PBRM1: variants seen among roughly 807,000 people sequenced by gnomAD.
The protein encoded by PBRM1 is protein polybromo-1.
Under a neutral mutation model 194.5 loss-of-function variants are expected in PBRM1, and 27 were observed. The ratio of observed to expected loss-of-function variants is 0.14; its 90% confidence interval spans 0.10 to 0.19. The LOEUF is 0.19. Among genes scored for constraint, PBRM1 ranks in the 10% least tolerant of loss-of-function variants. The pLI is 1.00. For synonymous variants in PBRM1, 655 were observed against 693.2 expected, an observed-to-expected ratio of 0.94 and a Z score of 0.87; for missense variants, 1,466 against 2,077.2, an observed-to-expected ratio of 0.71 and a Z score of 5.72.
At chr3:52,685,153 A>G (rs1404678665) in intron 1 of PBRM1, among the ~76,000 whole-genome samples, 1 of 152,150 alleles carries the variant, frequency 6.6e-6, no homozygotes, top group Non-Finnish European at 1.5e-5. Flanking sequence ...GGCTTTTTCT[A>G]TATTTTTGCA....
intron 11 of PBRM1, among the ~76,000 whole-genome samples, chr3:52,631,730 TAAAC>T (rs2095624187): frequency 6.6e-6 from 1 of 152,174 alleles, no homozygotes; most frequent in African/African-American, 2.4e-5. Flanking sequence ...TTAATTTAAA[TAAAC>T]AAGAAGGCAC....
intron 29 of PBRM1, among the ~76,000 whole-genome samples, chr3:52,549,651 TC>T (rs2080380780): frequency 6.6e-6 from 1 of 152,138 alleles, no homozygotes; most frequent in Non-Finnish European, 1.5e-5. Context: ...ATGCCTATAA[TC>T]CCAGCTCTTT....
At chr3:52,548,805 T>G (rs1004413682) in intron 29 of PBRM1, among the ~76,000 whole-genome samples, 2 of 152,078 alleles carry the variant, frequency 1.3e-5, no homozygotes, top group African/African-American at 4.8e-5. Context: ...AAGGTAAACA[T>G]GTGAAGAAAG....
At chr3:52,637,709 T>C (rs1269558784) in intron 10 of PBRM1, among the ~76,000 whole-genome samples, 6 of 146,988 alleles carry the variant, frequency 4.1e-5, no homozygotes, top group Admixed American at 2.1e-4. Flanking sequence ...GGGCGGATCA[T>C]TTGAGGCCAG....
At chr3:52,561,879 C>G (rs2153492286) in exon 25 of PBRM1, 1 of 1,614,184 alleles carries the variant, frequency 6.2e-7, no homozygotes, top group African/African-American at 1.3e-5. Context: ...CAGCCCTCAT[C>G]TCACTGCTGA....
In PBRM1 at chr3:52,567,868, C is replaced by T. The variant is rs866626467; in HGVS notation, c.3692-3635G>A. Among the ~76,000 whole-genome samples, 41 of 143,222 alleles carry T rather than the reference C, an allele frequency of 2.9e-4. 1 individual carries two copies. In the Middle Eastern group the frequency reaches 0.02, roughly 68 times the overall value. The allele number at this position is 143,222 out of a possible 152,430, so 94.0% of individuals were successfully genotyped here. A position where few individuals can be genotyped will look rare whatever the true frequency, so the allele number is the denominator to read the frequency against. On this transcript the variant is annotated intron_variant, in intron 22 of 29. Transcript: ENST00000296302. ...TTCACCATGTTGGCCAGGCTGGTCT[C>T]GAACTTCTGACCTCAGATGATCCGC...
exon 26 of PBRM1, chr3:52,558,410 C>T (rs1394076628): frequency 1.3e-6 from 2 of 1,533,586 alleles, no homozygotes; most frequent in South Asian, 1.2e-5. Context: ...TTTAGCTGCC[C>T]GCTCTGTAAA....
At chr3:52,554,651 G>C (rs2081834415) in intron 27 of PBRM1, 73 bp downstream of exon 29, 2 of 1,365,206 alleles carry the variant, frequency 1.5e-6, no homozygotes, top group East Asian at 2.6e-5. Context: ...GTGCCTCCTG[G>C]AACAACTGGT....
intron 5 of PBRM1, among the ~76,000 whole-genome samples, chr3:52,654,930 A>T (rs981521736): frequency 1.3e-5 from 2 of 152,216 alleles, no homozygotes; most frequent in Admixed American, 1.3e-4. Flanking sequence ...CTGTGACTAC[A>T]GGTGCACACC....
At chr3:52,643,384 T>C in intron 8 of PBRM1, 41 bp from the exon 10 acceptor site, 1 of 1,316,730 alleles carries the variant, frequency 7.6e-7, no homozygotes, top group Non-Finnish European at 1.1e-6. Context: ...ACTTGGTAGC[T>C]GAAATTAGAG....
At chr3:52,645,685 G>C (rs752568055) in intron 7 of PBRM1, among the ~76,000 whole-genome samples, 7 of 151,922 alleles carry the variant, frequency 4.6e-5, no homozygotes, top group Non-Finnish European at 7.4e-5. Context: ...GCTGATAACC[G>C]AGATGGCTAC....
chr3:52,643,615 AG>A (rs1177930559), intron 8 of PBRM1, among the ~76,000 whole-genome samples: 1 of 152,186 alleles, frequency 6.6e-6, no homozygotes, highest in Non-Finnish European at 1.5e-5. Flanking sequence ...CTTTGAAAGT[AG>A]TCACCCAACC....
chr3:52,674,642 AAATATATATAT>A (rs1561076602), intron 2 of PBRM1, among the ~76,000 whole-genome samples: 1 of 69,628 alleles, frequency 1.4e-5, no homozygotes, highest in Non-Finnish European at 3.8e-5. Flanking sequence ...AAAAAAAAAA[AAATATATATAT>A]ATATATATAT....
intron 15 of PBRM1, among the ~76,000 whole-genome samples, chr3:52,610,533 T>C (rs912786671): frequency 6.6e-6 from 1 of 152,136 alleles, no homozygotes; most frequent in Non-Finnish European, 1.5e-5. Context: ...AGCAGAAACA[T>C]GAAAAAGGTA....
intron 20 of PBRM1, among the ~76,000 whole-genome samples, chr3:52,583,121 CT>C (rs2091691212): frequency 1.1e-5 from 1 of 95,018 alleles, no homozygotes; most frequent in African/African-American, 4.0e-5. Flanking sequence ...AAAAAAAAAA[CT>C]AATAGGGGCG....
chr3:52,581,724 C>G (rs1056083224), intron 20 of PBRM1, among the ~76,000 whole-genome samples: 3 of 151,666 alleles, frequency 2.0e-5, no homozygotes, highest in Non-Finnish European at 4.4e-5. Flanking sequence ...TGCAACCTCT[C>G]CCTCCTGGGT....
At chr3:52,561,795 A>G in exon 25 of PBRM1, 7 of 1,614,096 alleles carry the variant, frequency 4.3e-6, no homozygotes, top group Non-Finnish European at 5.9e-6. Flanking sequence ...TGGCTGTCTC[A>G]AGATTTCTCC....
intron 15 of PBRM1, among the ~76,000 whole-genome samples, chr3:52,610,852 T>C (rs150483679): frequency 9.2e-4 from 140 of 152,218 alleles, no homozygotes; most frequent in African/African-American, 3.1e-3. Flanking sequence ...GGCAGGATAA[T>C]TGCTTGAACC....
chr3:52,634,492 AC>A, intron 11 of PBRM1, 109 bp downstream of exon 12: 1 of 739,468 alleles, frequency 1.4e-6, no homozygotes, highest in South Asian at 1.9e-5. Flanking sequence ...TTAAAAAAAA[AC>A]ACCATTTTTA....
Sources: allele counts gnomAD v4.1 joint callset (sites outside exome capture counted in the v4.1 genomes callset), GRCh38; gene constraint gnomAD v4.1.1; transcripts MANE v1.5; gene names NCBI Gene and HGNC (gene_info 2026-07-23, HGNC 2026-07-21).